Variants in UGGT2 observed in about 807,000 individuals in gnomAD.
The protein encoded by UGGT2 is UDP-glucose glycoprotein glucosyltransferase 2.
In UGGT2, 180 loss-of-function variants were observed where a neutral mutation model predicts 192.1. The ratio of observed to expected loss-of-function variants is 0.94; its 90% CI spans 0.83 to 1.06. UGGT2 has a LOEUF of 1.06. UGGT2 is among the 50% of genes least tolerant of loss of function. UGGT2 has a pLI of 0.00. For synonymous variants in UGGT2, 580 were observed against 591.0 expected (o/e 0.98, Z 0.27); for missense variants, 1,849 against 1,795.7 (o/e 1.03, Z -0.54).
chr13:95,968,916 G>T (rs1342357353), intron 12 of UGGT2, among the ~76,000 whole-genome samples: 1 of 152,112 alleles, frequency 6.6e-6, no homozygotes, highest in Non-Finnish European at 1.5e-5. Context: ...CCCAAGAAGG[G>T]TCTGTTTACA....
At chr13:95,899,077 A>ATAT (rs2048029443) in intron 22 of UGGT2, among the ~76,000 whole-genome samples, 1 of 152,176 alleles carries the variant, frequency 6.6e-6, no homozygotes, top group African/African-American at 2.4e-5. Flanking sequence ...TTATAATAAA[A>ATAT]GAGTTCAAGA....
intron 36 of UGGT2, among the ~76,000 whole-genome samples, chr13:95,845,171 C>CTTT (rs35541302): frequency 1.5e-4 from 23 of 151,076 alleles, no homozygotes; most frequent in African/African-American, 3.2e-4. Flanking sequence ...ATATAAGATC[C>CTTT]TTTCTTTTAA....
intron 24 of UGGT2, among the ~76,000 whole-genome samples, chr13:95,891,466 T>C (rs2047798373): frequency 6.6e-6 from 1 of 152,124 alleles, no homozygotes; most frequent in South Asian, 2.1e-4. Context: ...TCTCCTCACC[T>C]CATTCCCTCT....
chr13:96,018,016 C>T (rs576078292), intron 4 of UGGT2, among the ~76,000 whole-genome samples: 1 of 152,272 alleles, frequency 6.6e-6, no homozygotes, highest in Admixed American at 6.5e-5. Context: ...TTGTATCATA[C>T]ATAAATTGGG....
chr13:96,023,651 G>C lies in UGGT2; in HGVS notation c.350C>G (p.Pro117Arg), dbSNP rs11551142. 1 of 1,609,394 alleles carries C rather than the reference G, an allele frequency of 6.2e-7. No homozygotes were observed. Among genetic ancestry groups the C allele is most frequent in the Non-Finnish European group, 8.5e-7 (1 of 1,177,166 alleles). The change falls in exon 3 of 39, where the codon CCA becomes CGA. Residue 117 changes from proline to arginine, a missense_variant. Physicochemically the swap from Pro to Arg is moderately radical, Grantham distance 103. Transcript: ENST00000376747. ...CACCTGCTGAAACATCTGAATAGCTGGGGAGTATGCCCTTATAGAGAAAGC... is the reference window on the plus strand; with the variant it reads ...CACCTGCTGAAACATCTGAATAGCTCGGGAGTATGCCCTTATAGAGAAAGC... The part of the protein sequence containing the change: ...KFAFSIRAYS[P>R]AIQMFQQIAA...
At chr13:95,889,325 C>T (rs963421792) in intron 25 of UGGT2, among the ~76,000 whole-genome samples, 10 of 152,258 alleles carry the variant, frequency 6.6e-5, no homozygotes, top group Middle Eastern at 3.4e-3. Context: ...TTGTCCTACT[C>T]GTTTCATAAA....
chr13:96,048,959 G>A (rs2053403866), intron 1 of UGGT2, among the ~76,000 whole-genome samples: 1 of 135,682 alleles, frequency 7.4e-6, no homozygotes, highest in Non-Finnish European at 1.7e-5. Context: ...ACAAAAAAAG[G>A]GAATCCTCCC....
Position 95,902,893 on chromosome 13 carries a change from A to G in UGGT2, c.2463T>C (p.Ala821=). ...GQLAKEEIAT[A]IYSGDKIKTF... is the part of the protein sequence containing the mutation. ...TTTTAATTTTATCTCCAGAGTAAATAGCTGTAGCAATTTCTTCCTTTGCCA... is the reference window on the plus strand; with the variant it reads ...TTTTAATTTTATCTCCAGAGTAAATGGCTGTAGCAATTTCTTCCTTTGCCA... The change falls in exon 21 of 39, where the codon GCT becomes GCC. Residue 821 remains alanine (A), a synonymous_variant. Coordinates refer to ENST00000376747, the MANE Select transcript of UGGT2 (RefSeq NM_020121.4). 13 of 1,613,510 alleles carry G rather than the reference A, an allele frequency of 8.1e-6. No homozygotes were observed. The highest frequency in any genetic ancestry group is 1.0e-5 in the Non-Finnish European group (12 of 1,179,612).
chr13:95,886,478 G>A (rs2047649792), intron 26 of UGGT2, among the ~76,000 whole-genome samples: 1 of 152,126 alleles, frequency 6.6e-6, no homozygotes, highest in Non-Finnish European at 1.5e-5. Flanking sequence ...ATGTTTTACA[G>A]AGAGGACCCC....
chr13:95,819,526 GTATA>G (rs58979871), intron 38 of UGGT2, among the ~76,000 whole-genome samples: 1 of 63,614 alleles, frequency 1.6e-5, no homozygotes, highest in Non-Finnish European at 4.3e-5. Flanking sequence ...GTATGTAATA[GTATA>G]TATGTATATA....
chr13:95,906,955 G>A (rs1040996638), intron 20 of UGGT2, among the ~76,000 whole-genome samples: 2 of 152,150 alleles, frequency 1.3e-5, no homozygotes, highest in African/African-American at 4.8e-5. Flanking sequence ...CCCAGGCAGG[G>A]CATCGCCTCA....
chr13:96,013,993 C>T (rs1407803231), intron 4 of UGGT2, among the ~76,000 whole-genome samples: 5 of 152,070 alleles, frequency 3.3e-5, no homozygotes, highest in Admixed American at 2.6e-4. Context: ...TTCTTATTTG[C>T]CAGGCACTGT....
At chr13:95,932,326 T>C (rs2049313785) in intron 17 of UGGT2, among the ~76,000 whole-genome samples, 2 of 144,520 alleles carry the variant, frequency 1.4e-5, no homozygotes, top group Admixed American at 1.4e-4. Flanking sequence ...TGTGTGTGTG[T>C]GTGTGTGTGT....
At chr13:95,819,541 T>G (rs1341063133) in intron 38 of UGGT2, among the ~76,000 whole-genome samples, 1 of 64,626 alleles carries the variant, frequency 1.5e-5, no homozygotes, top group African/African-American at 4.4e-5. Flanking sequence ...TATGTATATA[T>G]GTATGTATGT....
At chr13:95,848,606 T>A (rs1260776517) in intron 36 of UGGT2, among the ~76,000 whole-genome samples, 1 of 152,200 alleles carries the variant, frequency 6.6e-6, no homozygotes, top group East Asian at 1.9e-4. Flanking sequence ...TATGTGGATT[T>A]ATTTCTGGGC....
At chr13:95,893,896 G>C (rs1339086876) in intron 24 of UGGT2, among the ~76,000 whole-genome samples, 2 of 152,130 alleles carry the variant, frequency 1.3e-5, no homozygotes, top group Non-Finnish European at 2.9e-5. Flanking sequence ...TAAATCCTTG[G>C]ACCCTTGGTC....
At chr13:96,033,363 T>C (rs1205122574) in intron 1 of UGGT2, among the ~76,000 whole-genome samples, 1 of 151,922 alleles carries the variant, frequency 6.6e-6, no homozygotes, top group Non-Finnish European at 1.5e-5. Context: ...AAGGAACAGG[T>C]GGAAGCCCCA....
At position 96,023,721 on chromosome 13, in the gene UGGT2, C is replaced by T. The variant is rs938385242; in HGVS notation, c.280G>A (p.Ala94Thr). ...YSYYNLILKK[A>T]GQFLDNLHIN... ...TGTAAATTGTCTAGAAACTGTCCAG[C>T]TTTCTTCAGGATTAAGTTGTAATAA... The change falls in exon 3 of 39, where the codon GCT becomes ACT. Residue 94 changes from alanine (A) to threonine (T), a missense_variant. By Grantham distance (58) the Ala-to-Thr change is moderately conservative. Coordinates refer to ENST00000376747, the MANE Select transcript of UGGT2 (RefSeq NM_020121.4). 2 of 1,608,686 alleles carry T rather than the reference C, an allele frequency of 1.2e-6. No individual in the cohort carries two copies. Among genetic ancestry groups the T allele is most frequent in the Non-Finnish European group, 8.5e-7 (1 of 1,176,338 alleles).
At chr13:95,928,779 T>C (rs1594356281) in intron 17 of UGGT2, among the ~76,000 whole-genome samples, 1 of 151,852 alleles carries the variant, frequency 6.6e-6, no homozygotes, top group South Asian at 2.1e-4. Context: ...TGCTCCTCAC[T>C]TCCTAGACGG....
Sources: gnomAD v4.1 joint callset for allele counts (sites outside exome capture counted in the v4.1 genomes callset) on GRCh38, gnomAD v4.1.1 for gene constraint, MANE v1.5 for transcripts, NCBI Gene and HGNC (gene_info 2026-07-23, HGNC 2026-07-21) for gene names.